CNBD1: variants seen among roughly 807,000 people sequenced by gnomAD.
CNBD1 encodes the protein cyclic nucleotide binding domain containing 1, also known as cyclic nucleotide-binding domain-containing protein 1.
CNBD1 carries 71 observed loss-of-function variants against 54.4 expected under a neutral mutation model. The observed-to-expected ratio is 1.30, with a 90% CI of 1.08 to 1.59. The LOEUF (loss-of-function observed/expected upper bound fraction) is 1.59, where lower values mean the gene tolerates loss of function less well. Among genes scored for constraint, CNBD1 ranks in the 40% most tolerant of loss-of-function variants. The pLI, the probability that CNBD1 is intolerant of heterozygous loss-of-function variation, is 0.00. For synonymous variants in CNBD1, 182 were observed against 170.7 expected, an observed-to-expected ratio of 1.07 and a Z score of -0.51; for missense variants, 659 against 518.0, an observed-to-expected ratio of 1.27 and a Z score of -2.64.
At chr8:86,933,001 C>T (rs1809482394) in intron 3 of CNBD1, among the ~76,000 whole-genome samples, 1 of 152,098 alleles carries the variant, frequency 6.6e-6, no homozygotes, top group Non-Finnish European at 1.5e-5. Flanking sequence ...TCTCGAAAAC[C>T]TGCACCCTTG....
chr8:86,985,993 C>T (rs1177289534), intron 4 of CNBD1, among the ~76,000 whole-genome samples: 1 of 152,042 alleles, frequency 6.6e-6, no homozygotes, highest in East Asian at 1.9e-4. Flanking sequence ...TGCTGTGGTG[C>T]AATATCGGCT....
chr8:87,295,115 G>T (rs1223514732), intron 8 of CNBD1, among the ~76,000 whole-genome samples: 2 of 151,742 alleles, frequency 1.3e-5, no homozygotes, highest in Non-Finnish European at 2.9e-5. Context: ...TTCATTAACA[G>T]TCTCTGAAAA....
intron 2 of CNBD1, among the ~76,000 whole-genome samples, chr8:87,388,640 A>T (rs1256570741): frequency 6.6e-6 from 1 of 152,226 alleles, no homozygotes; most frequent in Non-Finnish European, 1.5e-5. Context: ...GTCCAGGGCC[A>T]GATGAATTCA....
intron 3 of CNBD1, among the ~76,000 whole-genome samples, chr8:86,917,150 AAAAAAAAGAATATC>A (rs1809199568): frequency 8.5e-6 from 1 of 117,152 alleles, no homozygotes; most frequent in Admixed American, 9.1e-5. Flanking sequence ...TCAAAAAAGA[AAAAAAAAGAATATC>A]TAGATAGTTA....
chr8:86,892,127 T>C (rs1808777193), intron 2 of CNBD1, among the ~76,000 whole-genome samples: 2 of 152,070 alleles, frequency 1.3e-5, no homozygotes, highest in Admixed American at 1.3e-4. Context: ...GGCATACTTG[T>C]CTTGTTCTTG....
At chr8:86,881,214 A>G (rs1188272581) in intron 1 of CNBD1, among the ~76,000 whole-genome samples, 2 of 152,188 alleles carry the variant, frequency 1.3e-5, no homozygotes, top group African/African-American at 4.8e-5. Flanking sequence ...GGGTATTCAA[A>G]TAGTAAGAGA....
At chr8:86,896,309 A>G (rs537020443) in intron 2 of CNBD1, among the ~76,000 whole-genome samples, 24 of 152,220 alleles carry the variant, frequency 1.6e-4, no homozygotes, top group African/African-American at 5.8e-4. Context: ...ATCTTTATAA[A>G]AGTACCAATG....
At chr8:87,306,142 A>G (rs528594316) in intron 8 of CNBD1, among the ~76,000 whole-genome samples, 48 of 152,346 alleles carry the variant, frequency 3.2e-4, no homozygotes, top group African/African-American at 1.2e-3. Flanking sequence ...TCCAACAAAC[A>G]TATGAAAAGA....
At chr8:86,886,208 A>G (rs1374223599) in intron 1 of CNBD1, among the ~76,000 whole-genome samples, 2 of 152,166 alleles carry the variant, frequency 1.3e-5, no homozygotes, top group Non-Finnish European at 2.9e-5. Flanking sequence ...TTCCTAATCT[A>G]TGTATATAAA....
chr8:87,242,762 A>G (rs1807731860), intron 6 of CNBD1, among the ~76,000 whole-genome samples: 1 of 152,226 alleles, frequency 6.6e-6, no homozygotes, highest in African/African-American at 2.4e-5. Context: ...TTGGCTCAGA[A>G]TAAATCACTT....
chr8:86,908,799 T>TC (rs1563818130), intron 3 of CNBD1, among the ~76,000 whole-genome samples: 7 of 4,746 alleles, frequency 1.5e-3, no homozygotes, highest in Admixed American at 2.0e-3. Flanking sequence ...TTTTTTTTTT[T>TC]TTGTGCTGAG....
intron 6 of CNBD1, among the ~76,000 whole-genome samples, chr8:87,263,665 C>T (rs1408367991): frequency 1.3e-5 from 2 of 151,986 alleles, no homozygotes; most frequent in East Asian, 3.9e-4. Flanking sequence ...TAGAGCAGGA[C>T]CATGAAATTT....
chr8:87,327,704 G>T (rs781301880), intron 8 of CNBD1, among the ~76,000 whole-genome samples: 33 of 152,210 alleles, frequency 2.2e-4, no homozygotes, highest in Non-Finnish European at 4.0e-4. Flanking sequence ...CCACTGTCTG[G>T]CACTTCCTAG....
At chr8:87,323,095 G>C (rs1330712868) in intron 8 of CNBD1, among the ~76,000 whole-genome samples, 2 of 108,874 alleles carry the variant, frequency 1.8e-5, no homozygotes, top group Non-Finnish European at 4.1e-5. Flanking sequence ...TCTCAGGTTT[G>C]TCAAAGATCA....
intron 4 of CNBD1, among the ~76,000 whole-genome samples, chr8:87,116,081 C>A (rs1449135378): frequency 6.6e-6 from 1 of 151,980 alleles, no homozygotes; most frequent in African/African-American, 2.4e-5. Flanking sequence ...AAAATTTTAG[C>A]CTCTTTTGAT....
chr8:87,048,731 T>C (rs1362296744), intron 4 of CNBD1, among the ~76,000 whole-genome samples: 1 of 152,214 alleles, frequency 6.6e-6, no homozygotes, highest in Admixed American at 6.5e-5. Flanking sequence ...GAATGCCCCT[T>C]ACTTTTGGCA....
chr8:87,207,851 G>C (rs1814010532), intron 5 of CNBD1, among the ~76,000 whole-genome samples: 2 of 152,054 alleles, frequency 1.3e-5, no homozygotes, highest in Admixed American at 1.3e-4. Flanking sequence ...TTAAAAATTA[G>C]GAGACTCTGT....
intron 8 of CNBD1, among the ~76,000 whole-genome samples, chr8:87,325,245 G>A (rs1192544024): frequency 1.1e-5 from 1 of 95,206 alleles, no homozygotes; most frequent in Non-Finnish European, 2.1e-5. Flanking sequence ...TTTTGGAATA[G>A]GTGTGGTGTG....
At chr8:87,260,086 A>G (rs997510068) in intron 6 of CNBD1, among the ~76,000 whole-genome samples, 1 of 152,186 alleles carries the variant, frequency 6.6e-6, no homozygotes, top group Non-Finnish European at 1.5e-5. Context: ...AAGGGAAAAA[A>G]TCTTAGCTAC....
Sources: gnomAD v4.1 joint callset for allele counts (sites outside exome capture counted in the v4.1 genomes callset) on GRCh38, gnomAD v4.1.1 for gene constraint, MANE v1.5 for transcripts, NCBI Gene and HGNC (gene_info 2026-07-23, HGNC 2026-07-21) for gene names.